Variants in APBB2 observed in about 807,000 individuals in gnomAD.
APBB2 encodes the protein Fe65-like 1.
In APBB2, 38 loss-of-function variants were observed where a neutral mutation model predicts 82.5. The observed-to-expected ratio is 0.46, with a 90% CI of 0.36 to 0.60. APBB2 has a LOEUF of 0.60. Ranked by LOEUF, APBB2 falls within the 20% of genes least tolerant of loss-of-function variation. The pLI is 0.00. For missense variants in APBB2, 772 were observed against 972.3 expected (o/e 0.79, Z 2.74); for synonymous variants, 341 against 368.2 (o/e 0.93, Z 0.85).
chr4:41,012,456 A>G (rs74519437), intron 6 of APBB2, among the ~76,000 whole-genome samples: 1,811 of 152,304 alleles, frequency 0.012, 59 homozygotes, highest in Admixed American at 0.054. Context: ...GTGCAGGGCC[A>G]GACAGTTATG....
chr4:40,934,068 AG>A (rs1784838229), intron 10 of APBB2, among the ~76,000 whole-genome samples: 1 of 152,238 alleles, frequency 6.6e-6, no homozygotes, highest in African/African-American at 2.4e-5. Context: ...CACAGATATG[AG>A]GCTGCTCTGG....
chr4:41,107,709 T>C (rs545903770), intron 2 of APBB2, among the ~76,000 whole-genome samples: 151 of 152,220 alleles, frequency 9.9e-4, no homozygotes, highest in Non-Finnish European at 1.2e-3. Flanking sequence ...AGTCACTATG[T>C]AGCATTTTTG....
chr4:41,119,516 T>G (rs1192011784), intron 2 of APBB2, among the ~76,000 whole-genome samples: 1 of 142,046 alleles, frequency 7.0e-6, no homozygotes, highest in Non-Finnish European at 1.5e-5. Flanking sequence ...CTCTAGGAAG[T>G]TCCATTAAAA....
At chr4:41,158,970 C>T (rs1036170402) in intron 1 of APBB2, among the ~76,000 whole-genome samples, 1 of 152,112 alleles carries the variant, frequency 6.6e-6, no homozygotes, top group African/African-American at 2.4e-5. Context: ...CTCAGGAATC[C>T]CGGACACAGT....
At chr4:40,927,803 A>G (rs1056937223) in intron 10 of APBB2, among the ~76,000 whole-genome samples, 1 of 152,170 alleles carries the variant, frequency 6.6e-6, no homozygotes, top group Non-Finnish European at 1.5e-5. Context: ...TTAAAGATGT[A>G]ATTTTCAATA....
chr4:40,892,696 ACTTATT>A (rs1772399454), intron 11 of APBB2: 1 of 152,232 alleles, frequency 6.6e-6, no homozygotes, highest in South Asian at 2.1e-4. Context: ...TGGTATCTGT[ACTTATT>A]TTTTCCTTTC....
intron 6 of APBB2, among the ~76,000 whole-genome samples, chr4:40,980,954 G>A (rs187432393): frequency 6.6e-6 from 1 of 152,192 alleles, no homozygotes; most frequent in Non-Finnish European, 1.5e-5. Flanking sequence ...AGATTCTTGG[G>A]CCCAATTAAA....
intron 12 of APBB2, chr4:40,842,319 A>G: frequency 4.5e-6 from 2 of 446,972 alleles, no homozygotes; most frequent in South Asian, 1.6e-5. Context: ...GAGCTTTGCC[A>G]GACACGTTAA....
chr4:41,070,349 G>A (rs780966628), intron 3 of APBB2, among the ~76,000 whole-genome samples: 22 of 151,642 alleles, frequency 1.5e-4, no homozygotes, highest in African/African-American at 4.8e-4. Context: ...CACTCCTGTC[G>A]CCCAGACTGG....
At chr4:41,005,901 AT>A (rs1043010832) in intron 6 of APBB2, among the ~76,000 whole-genome samples, 1 of 152,084 alleles carries the variant, frequency 6.6e-6, no homozygotes, top group African/African-American at 2.4e-5. Context: ...TAACATCCAC[AT>A]CCCAACTGAC....
chr4:41,106,714 G>A (rs1425804822), intron 2 of APBB2, among the ~76,000 whole-genome samples: 1 of 152,170 alleles, frequency 6.6e-6, no homozygotes, highest in Non-Finnish European at 1.5e-5. Flanking sequence ...CTGACCTCGT[G>A]ATCCGCCCAC....
At chr4:41,148,836 TA>T (rs994501647) in intron 1 of APBB2, among the ~76,000 whole-genome samples, 20 of 151,542 alleles carry the variant, frequency 1.3e-4, no homozygotes, top group African/African-American at 4.6e-4. Flanking sequence ...AGACTGGCAC[TA>T]AAAAAAAATT....
chr4:41,184,431 G>C (rs1772308773), intron 1 of APBB2, among the ~76,000 whole-genome samples: 1 of 152,124 alleles, frequency 6.6e-6, no homozygotes, highest in Non-Finnish European at 1.5e-5. Context: ...CCCCCTTATT[G>C]TTCCTCCAAC....
At chr4:41,200,504 T>A (rs1283976031) in intron 1 of APBB2, among the ~76,000 whole-genome samples, 1 of 152,188 alleles carries the variant, frequency 6.6e-6, no homozygotes, top group East Asian at 1.9e-4. Context: ...ACTAATATAT[T>A]TACAGAGAAT....
intron 1 of APBB2, among the ~76,000 whole-genome samples, chr4:41,154,918 C>A (rs1028323247): frequency 6.6e-6 from 1 of 152,154 alleles, no homozygotes. Context: ...TCCATGCAAT[C>A]CCTGGCTGGA....
intron 7 of APBB2, among the ~76,000 whole-genome samples, chr4:40,937,193 T>C (rs912127112): frequency 1.3e-5 from 2 of 152,202 alleles, no homozygotes; most frequent in Admixed American, 6.5e-5. Flanking sequence ...CCCAAGATAA[T>C]TGTGTCTTTG....
chr4:40,868,990 T>C (rs573377882), intron 12 of APBB2, among the ~76,000 whole-genome samples: 7 of 152,304 alleles, frequency 4.6e-5, no homozygotes, highest in Admixed American at 2.0e-4. Context: ...TTATTTCTTA[T>C]ACATGTGTTA....
At chr4:41,149,478 G>C (rs12503863) in intron 1 of APBB2, among the ~76,000 whole-genome samples, 11 of 151,872 alleles carry the variant, frequency 7.2e-5, no homozygotes, top group African/African-American at 2.4e-4. Flanking sequence ...CTGAGGAAAG[G>C]GGGGAGAAAG....
At chr4:41,149,423 A>T (rs1477053026) in intron 1 of APBB2, among the ~76,000 whole-genome samples, 1 of 152,136 alleles carries the variant, frequency 6.6e-6, no homozygotes, top group African/African-American at 2.4e-5. Context: ...AGGACATGTC[A>T]GCCCTGCTGT....
Sources: allele counts gnomAD v4.1 joint callset (sites outside exome capture counted in the v4.1 genomes callset), GRCh38; gene constraint gnomAD v4.1.1; transcripts MANE v1.5; gene names NCBI Gene and HGNC (gene_info 2026-07-23, HGNC 2026-07-21).